CCDC85A: variants seen among roughly 807,000 people sequenced by gnomAD.
CCDC85A encodes coiled-coil domain containing 85A, also known as coiled-coil domain-containing protein 85A.
In CCDC85A, 38 loss-of-function variants were observed where a neutral mutation model predicts 50.2. The observed-to-expected ratio is 0.76, with a 90% CI of 0.58 to 0.99. The LOEUF (loss-of-function observed/expected upper bound fraction) is 0.99, where lower values mean the gene tolerates loss of function less well. Ranked by LOEUF, CCDC85A falls within the 50% of genes least tolerant of loss-of-function variation. The pLI, the probability that CCDC85A is intolerant of heterozygous loss-of-function variation, is 0.00. For missense variants in CCDC85A, 820 were observed against 742.0 expected (o/e 1.11, Z -1.22); for synonymous variants, 366 against 301.4 (o/e 1.21, Z -2.22).
intron 2 of CCDC85A, among the ~76,000 whole-genome samples, chr2:56,322,768 A>G (rs979385808): frequency 1.3e-5 from 2 of 152,178 alleles, no homozygotes; most frequent in African/African-American, 2.4e-5. Flanking sequence ...TAGAAATACC[A>G]TATGACCCAG....
At chr2:56,285,219 G>A (rs1450796272) in intron 2 of CCDC85A, among the ~76,000 whole-genome samples, 5 of 150,488 alleles carry the variant, frequency 3.3e-5, no homozygotes, top group African/African-American at 7.3e-5. Flanking sequence ...CACCTGCCTC[G>A]GCCTCCCAAG....
chr2:56,348,205 T>C (rs968748958), intron 3 of CCDC85A, among the ~76,000 whole-genome samples: 5 of 152,190 alleles, frequency 3.3e-5, no homozygotes, highest in African/African-American at 1.2e-4. Flanking sequence ...GATCAAATGC[T>C]CTGGCGCCCA....
chr2:56,367,206 C>T (rs1222191314), intron 3 of CCDC85A, among the ~76,000 whole-genome samples: 4 of 152,124 alleles, frequency 2.6e-5, no homozygotes, highest in Non-Finnish European at 5.9e-5. Context: ...TTCCTTTGGA[C>T]CACTGCCCTG....
chr2:56,299,518 G>A (rs191841460), intron 2 of CCDC85A, among the ~76,000 whole-genome samples: 4 of 152,166 alleles, frequency 2.6e-5, no homozygotes, highest in Admixed American at 2.0e-4. Context: ...TCCTAGCTTT[G>A]CCACTGAAAA....
At chr2:56,228,542 A>ATT (rs58751391) in intron 2 of CCDC85A, among the ~76,000 whole-genome samples, 1 of 149,956 alleles carries the variant, frequency 6.7e-6, no homozygotes, top group Non-Finnish European at 1.5e-5. Flanking sequence ...TTTTTTATTT[A>ATT]TTTTTTTTGA....
chr2:56,365,823 A>G (rs1039066850), intron 3 of CCDC85A, among the ~76,000 whole-genome samples: 13 of 152,166 alleles, frequency 8.5e-5, no homozygotes, highest in African/African-American at 3.1e-4. Flanking sequence ...ATTATTGACT[A>G]TAGTCACCAT....
chr2:56,369,716 G>C (rs149668229), intron 3 of CCDC85A, among the ~76,000 whole-genome samples: 136 of 152,138 alleles, frequency 8.9e-4, no homozygotes, highest in Non-Finnish European at 1.5e-3. Flanking sequence ...TCTGAAGTTC[G>C]CTGAGATGCC....
intron 2 of CCDC85A, among the ~76,000 whole-genome samples, chr2:56,315,053 T>G (rs1447426628): frequency 1.3e-5 from 2 of 152,164 alleles, no homozygotes; most frequent in Non-Finnish European, 2.9e-5. Context: ...CATCCCCCTT[T>G]GCTTCATCTG....
intron 5 of CCDC85A, among the ~76,000 whole-genome samples, chr2:56,383,372 G>T (rs1676680304): frequency 6.6e-6 from 1 of 151,942 alleles, no homozygotes; most frequent in South Asian, 2.1e-4. Context: ...TAGTCTGGGA[G>T]GGTATGGCTG....
chr2:56,296,217 G>C (rs934702242), intron 2 of CCDC85A, among the ~76,000 whole-genome samples: 2 of 152,100 alleles, frequency 1.3e-5, no homozygotes, highest in East Asian at 3.9e-4. Flanking sequence ...TTGATGGCCT[G>C]GGTACCCTTT....
At chr2:56,212,860 A>C (rs1197687340) in intron 2 of CCDC85A, among the ~76,000 whole-genome samples, 1 of 151,976 alleles carries the variant, frequency 6.6e-6, no homozygotes, top group Non-Finnish European at 1.5e-5. Flanking sequence ...AACATATGTC[A>C]CTTCTCAAAG....
chr2:56,382,396 G>A (rs1247559257), intron 5 of CCDC85A, among the ~76,000 whole-genome samples: 2 of 151,976 alleles, frequency 1.3e-5, no homozygotes, highest in Non-Finnish European at 2.9e-5. Flanking sequence ...CATCTACACA[G>A]CGAAAAGGTT....
At chr2:56,351,393 T>G (rs1295550389) in intron 3 of CCDC85A, among the ~76,000 whole-genome samples, 1 of 147,906 alleles carries the variant, frequency 6.8e-6, no homozygotes, top group South Asian at 2.2e-4. Flanking sequence ...GGTCAAATGG[T>G]ATTTCCAGTT....
intron 2 of CCDC85A, among the ~76,000 whole-genome samples, chr2:56,198,788 C>A (rs1007928408): frequency 6.6e-6 from 1 of 152,096 alleles, no homozygotes; most frequent in Non-Finnish European, 1.5e-5. Context: ...ATGGAGATTG[C>A]CTATCAACTT....
intron 5 of CCDC85A, among the ~76,000 whole-genome samples, chr2:56,380,178 T>C (rs1369884736): frequency 1.3e-5 from 2 of 152,178 alleles, no homozygotes; most frequent in Non-Finnish European, 2.9e-5. Context: ...CTAAGAAGTT[T>C]GTTAAAGATC....
intron 2 of CCDC85A, among the ~76,000 whole-genome samples, chr2:56,313,296 A>G (rs1288413975): frequency 6.6e-6 from 1 of 152,136 alleles, no homozygotes; most frequent in African/African-American, 2.4e-5. Flanking sequence ...CTAGCCTGCA[A>G]ATCTCATGTG....
At chr2:56,380,632 AT>A (rs201358979) in intron 5 of CCDC85A, among the ~76,000 whole-genome samples, 95 of 151,668 alleles carry the variant, frequency 6.3e-4, no homozygotes, top group Non-Finnish European at 1.1e-3. Context: ...CAGTAAAAAA[AT>A]AAATAAATAA....
At position 56,184,611 on chromosome 2, in the gene CCDC85A, A is replaced by T; in HGVS notation, c.-14A>T. On this transcript the variant is annotated 5_prime_UTR_variant, in exon 1 of 6. Coordinates refer to ENST00000407595, the MANE Select transcript of CCDC85A (RefSeq NM_001080433.2). ...CCTCTTCCACCCACTTGCACCTGCCACCCCGCGGATACCATGTCGAAGGCG... is the reference window on the plus strand; with the variant it reads ...CCTCTTCCACCCACTTGCACCTGCCTCCCCGCGGATACCATGTCGAAGGCG... The T allele has an allele frequency of 2.1e-6, 3 of 1,412,838 alleles. No individual in the cohort carries two copies. The South Asian group carries it at 4.7e-5, about 22-fold the overall frequency. The allele number at this position is 1,412,838 out of a possible 1,614,324, so 87.5% of individuals were successfully genotyped here.
intron 4 of CCDC85A, among the ~76,000 whole-genome samples, chr2:56,375,055 G>C (rs1417988814): frequency 6.6e-6 from 1 of 152,160 alleles, no homozygotes; most frequent in Non-Finnish European, 1.5e-5. Context: ...TAGGAGAGTA[G>C]ATAACTGATA....
Sources: gnomAD v4.1 joint callset for allele counts (sites outside exome capture counted in the v4.1 genomes callset) on GRCh38, gnomAD v4.1.1 for gene constraint, MANE v1.5 for transcripts, NCBI Gene and HGNC (gene_info 2026-07-23, HGNC 2026-07-21) for gene names.